ASTN1: variants seen among roughly 807,000 people sequenced by gnomAD.
The protein encoded by ASTN1 is astrotactin-1.
In ASTN1, 41 loss-of-function variants were observed where a neutral mutation model predicts 140.7. The ratio of observed to expected loss-of-function variants is 0.29; its 90% confidence interval spans 0.23 to 0.38. The LOEUF (loss-of-function observed/expected upper bound fraction) is 0.38. Ranked by LOEUF, ASTN1 falls within the 10% of genes least tolerant of loss-of-function variation. The pLI is 1.00. For synonymous variants in ASTN1, 640 were observed against 652.2 expected (o/e 0.98, Z 0.29); for missense variants, 1,479 against 1,678.8 (o/e 0.88, Z 2.08).
intron 11 of ASTN1, among the ~76,000 whole-genome samples, chr1:176,955,320 G>A (rs896615453): frequency 1.3e-5 from 2 of 152,126 alleles, no homozygotes; most frequent in African/African-American, 2.4e-5. Context: ...GGACAGCACC[G>A]ATGCTCACTG....
At chr1:177,102,241 T>G (rs934491862) in intron 1 of ASTN1, among the ~76,000 whole-genome samples, 7 of 152,210 alleles carry the variant, frequency 4.6e-5, no homozygotes, top group Non-Finnish European at 7.3e-5. Context: ...TTGTTAAGTA[T>G]TATAAGTCAA....
At chr1:177,123,764 G>A (rs1463175218) in intron 1 of ASTN1, among the ~76,000 whole-genome samples, 1 of 152,158 alleles carries the variant, frequency 6.6e-6, no homozygotes, top group Non-Finnish European at 1.5e-5. Flanking sequence ...GGCTCTATGA[G>A]CTGATTACAT....
At chr1:176,921,041 A>T (rs1488575760) in intron 16 of ASTN1, among the ~76,000 whole-genome samples, 1 of 152,172 alleles carries the variant, frequency 6.6e-6, no homozygotes, top group African/African-American at 2.4e-5. Context: ...ACAGAGACTG[A>T]AATGACGTAT....
At chr1:177,063,376 A>G (rs1204616620) in intron 1 of ASTN1, among the ~76,000 whole-genome samples, 2 of 152,052 alleles carry the variant, frequency 1.3e-5, no homozygotes, top group East Asian at 1.9e-4. Context: ...CTGTCCATGA[A>G]CTCAGACAAA....
At chr1:177,144,688 TTAC>T (rs1471009792) in intron 1 of ASTN1, among the ~76,000 whole-genome samples, 1 of 151,252 alleles carries the variant, frequency 6.6e-6, no homozygotes, top group African/African-American at 2.4e-5. Flanking sequence ...TAGTGATTTC[TTAC>T]TACACAAAAG....
At chr1:176,992,583 A>G (rs1253347211) in intron 8 of ASTN1, among the ~76,000 whole-genome samples, 1 of 152,184 alleles carries the variant, frequency 6.6e-6, no homozygotes, top group Non-Finnish European at 1.5e-5. Context: ...CTGAAATAGC[A>G]AAAGAAGCTC....
At chr1:176,984,998 C>A (rs758769698) in intron 8 of ASTN1, among the ~76,000 whole-genome samples, 1 of 152,180 alleles carries the variant, frequency 6.6e-6, no homozygotes, top group Non-Finnish European at 1.5e-5. Flanking sequence ...GCTCTCCCTC[C>A]CCACAGGACT....
At position 177,024,724 on chromosome 1, in the gene ASTN1, G is replaced by A. The variant is rs770684053; in HGVS notation, c.1129C>T (p.Pro377Ser). 6.2e-7 allele frequency: 1 copy of A among 1,613,528 alleles called. No individual in the cohort carries two copies. Among genetic ancestry groups the A allele is most frequent in the East Asian group, 2.2e-5 (1 of 44,852 alleles). The change falls in exon 6 of 23, where the codon CCC becomes TCC. Residue 377 changes from proline (P) to serine (S), a missense_variant. Pro to Ser is a moderately conservative substitution (Grantham distance 74). Coordinates refer to ENST00000361833, the MANE Select transcript of ASTN1 (RefSeq NM_004319.3). ...RSRRRSRVGS[P>S]RSPVNKTTLT... is the part of the protein sequence containing the mutation. ...GTGGTCTTATTCACAGGACTTCGGG[G>A]AGAACCCACTGAAAGTGAGACAAAA...
At chr1:176,934,787 G>A (rs1671363462) in intron 15 of ASTN1, among the ~76,000 whole-genome samples, 1 of 152,088 alleles carries the variant, frequency 6.6e-6, no homozygotes, top group African/African-American at 2.4e-5. Flanking sequence ...CTTCTGTTGT[G>A]TGCATGTGGG....
intron 9 of ASTN1, among the ~76,000 whole-genome samples, chr1:176,963,012 G>C (rs1672732209): frequency 6.6e-6 from 1 of 152,152 alleles, no homozygotes; most frequent in Non-Finnish European, 1.5e-5. Flanking sequence ...TATATTACGA[G>C]AAAAATGTGC....
At chr1:177,056,040 C>T (rs1463959628) in intron 2 of ASTN1, among the ~76,000 whole-genome samples, 1 of 152,158 alleles carries the variant, frequency 6.6e-6, no homozygotes, top group Non-Finnish European at 1.5e-5. Context: ...TGAGGCACGG[C>T]TTCAAGCAAA....
chr1:177,140,942 C>G (rs1453433022), intron 1 of ASTN1, among the ~76,000 whole-genome samples: 2 of 152,210 alleles, frequency 1.3e-5, no homozygotes, highest in Admixed American at 1.3e-4. Flanking sequence ...ACTGGCTGGG[C>G]TCAGTGGCTC....
At chr1:177,022,354 C>T (rs369309921) in intron 7 of ASTN1, among the ~76,000 whole-genome samples, 7 of 152,166 alleles carry the variant, frequency 4.6e-5, no homozygotes, top group East Asian at 1.9e-4. Context: ...ATCACTTTAA[C>T]GCTTTCCTTT....
intron 1 of ASTN1, among the ~76,000 whole-genome samples, chr1:177,133,545 A>T (rs1361792426): frequency 2.6e-5 from 4 of 152,222 alleles, no homozygotes; most frequent in East Asian, 1.9e-4. Context: ...TAAAAGCATC[A>T]TGATGGGGCA....
intron 16 of ASTN1, among the ~76,000 whole-genome samples, chr1:176,900,836 C>T (rs970971184): frequency 1.8e-4 from 28 of 152,298 alleles, no homozygotes; most frequent in African/African-American, 6.7e-4. Context: ...CTTACCTGCC[C>T]TGCTCACCAC....
chr1:176,936,434 A>G lies in ASTN1; in HGVS notation c.2378-64T>C, dbSNP rs1349262109. The G allele has an allele frequency of 3.8e-6, 5 of 1,311,960 alleles. No individual in the cohort carries two copies. The East Asian group carries it at 1.2e-4, about 30-fold the overall frequency. The allele number at this position is 1,311,960 out of a possible 1,614,324, so 81.3% of individuals were successfully genotyped here. A position where few individuals can be genotyped will look rare whatever the true frequency, so the allele number is the denominator to read the frequency against. ...ATTCATAAGTTCCAAATCAAAAAGC[A>G]TGACCCACCTCTATGAGGCGAAGTG... On this transcript the variant is annotated intron_variant, in intron 14 of 22. Transcript: ENST00000361833.
At chr1:176,894,023 G>C (rs1416774044) in intron 17 of ASTN1, among the ~76,000 whole-genome samples, 1 of 152,226 alleles carries the variant, frequency 6.6e-6, no homozygotes, top group Non-Finnish European at 1.5e-5. Flanking sequence ...AGATTTGCCT[G>C]GATGTGGCGT....
chr1:177,014,829 C>T lies in ASTN1; in HGVS notation c.1485G>A (p.Lys495=), dbSNP rs1019107390. The T allele has an allele frequency of 1.2e-6, 2 of 1,613,758 alleles. No homozygotes were observed. Among genetic ancestry groups the T allele is most frequent in the Non-Finnish European group, 1.7e-6 (2 of 1,179,820 alleles). The change falls in exon 8 of 23, where the codon AAG becomes AAA. Residue 495 remains lysine (K), a synonymous_variant. Coordinates refer to ENST00000361833, the MANE Select transcript of ASTN1 (RefSeq NM_004319.3). ...CCCATTCGTTCCGAATGCAAAGGTGCTTATGTACTGGATCCTTCATGTAGC... is the reference window on the plus strand; with the variant it reads ...CCCATTCGTTCCGAATGCAAAGGTGTTTATGTACTGGATCCTTCATGTAGC... The part of the protein sequence containing the change: ...YEGYMKDPVH[K]HLCIRNEWGT...
Position 176,943,960 on chromosome 1 carries a change from T to C in ASTN1, c.2308A>G (p.Thr770Ala). Residue 770 changes from threonine (T) to alanine (A), a missense_variant, in exon 14 of 23, where the codon ACT becomes GCT. Thr to Ala is a moderately conservative substitution (Grantham distance 58). Around this residue, in one of 3 missense-constraint regions of ASTN1, gnomAD observed 746 missense variants for 800.9 expected, o/e 0.93. Transcript: ENST00000361833. ...QQLPDGLVVA[T>A]VPLENQCLEE... is the part of the protein sequence containing the mutation. The stretch of plus-strand genomic sequence containing the variant: ...AGGCATTGATTCTCCAGGGGCACAG[T>C]GGCCACCACAAGACCATCTGGCAGT... The C allele has an allele frequency of 6.2e-7, 1 of 1,614,114 alleles. No individual in the cohort carries two copies. The highest frequency in any genetic ancestry group is 1.3e-5 in the African/African-American group (1 of 75,058).
Sources: gnomAD v4.1 joint callset for allele counts (sites outside exome capture counted in the v4.1 genomes callset) on GRCh38, gnomAD v4.1.1 for gene constraint, gnomAD v4.1.1 regional missense constraint, MANE v1.5 for transcripts, NCBI Gene and HGNC (gene_info 2026-07-23, HGNC 2026-07-21) for gene names.